PIK3CB: variants seen among roughly 807,000 people sequenced by gnomAD.
PIK3CB encodes phosphatidylinositol-4,5-bisphosphate 3-kinase catalytic subunit beta.
In PIK3CB, 39 loss-of-function variants were observed where a neutral mutation model predicts 136.8. The observed-to-expected ratio is 0.29, with a 90% CI of 0.22 to 0.37. The LOEUF is 0.37. PIK3CB is among the 10% of genes least tolerant of loss of function. The pLI is 1.00. For missense variants in PIK3CB, 868 were observed against 1,275.4 expected (o/e 0.68, Z 4.87); for synonymous variants, 428 against 436.6 (o/e 0.98, Z 0.25).
chr3:138,783,984 C>G (rs1320300404), intron 2 of PIK3CB, among the ~76,000 whole-genome samples: 1 of 152,028 alleles, frequency 6.6e-6, no homozygotes, highest in South Asian at 2.1e-4. Context: ...AAATTAAAAC[C>G]ACACTGAGAT....
Position 138,815,139 on chromosome 3 carries a change from CAAAAA to C in PIK3CB, c.-121-18577_-121-18573del, listed in dbSNP as rs71637082. Among the ~76,000 whole-genome samples the C allele has an allele frequency of 1.4e-3, 54 of 38,134 alleles. 1 individual carries two copies. Among genetic ancestry groups the C allele is most frequent in the African/African-American group, 6.7e-3 (53 of 7,926 alleles). 25.0% of individuals were successfully genotyped at this position (38,134 alleles called of 152,430 possible). On this transcript the variant is annotated intron_variant, in intron 1 of 23. Transcript: ENST00000674063. ...TGGGCAACAGAGCGAGACTCCGTCT[CAAAAA>C]AAAAAAAAAAAAAAAAAAATATATA...
chr3:138,764,093 A>G (rs2045697930), intron 2 of PIK3CB, among the ~76,000 whole-genome samples: 1 of 150,506 alleles, frequency 6.6e-6, no homozygotes, highest in African/African-American at 2.5e-5. Context: ...CCTGGGCGAC[A>G]GGGCAAGACT....
rs543983772 is a variant in PIK3CB at position 138,716,633 on chromosome 3, C to T, written c.1051-1914G>A. Among the ~76,000 whole-genome samples, 33 of 152,194 alleles carry T rather than the reference C, an allele frequency of 2.2e-4. 1 individual carries two copies. The highest frequency in any genetic ancestry group is 3.9e-4 in the East Asian group (2 of 5,178). ...AAGCACAGCCAGGTGCAGTGTCTCA[C>T]GCCTGTAATCCCAGCATTTTGGGAG... On this transcript the variant is annotated intron_variant, in intron 8 of 23. Transcript: ENST00000674063.
At chr3:138,715,892 C>T (rs1373950120) in intron 8 of PIK3CB, among the ~76,000 whole-genome samples, 1 of 151,504 alleles carries the variant, frequency 6.6e-6, no homozygotes, top group Non-Finnish European at 1.5e-5. Context: ...TATCTAATTC[C>T]AGCTAAATGA....
chr3:138,669,377 C>T (rs1265507532), intron 19 of PIK3CB, among the ~76,000 whole-genome samples: 1 of 128,386 alleles, frequency 7.8e-6, no homozygotes, highest in African/African-American at 3.1e-5. Flanking sequence ...TACTGCACTC[C>T]AGCTGGGGTG....
chr3:138,655,981 T>A (rs1359796852), intron 23 of PIK3CB, among the ~76,000 whole-genome samples, 161 bp downstream of exon 23: 3 of 152,104 alleles, frequency 2.0e-5, no homozygotes, highest in Admixed American at 6.5e-5. Flanking sequence ...TCTACAAAAT[T>A]CCTCCTTTAT....
In PIK3CB at chr3:138,684,605, C is replaced by T. The variant is rs537143001; in HGVS notation, c.2315+20G>A. 26 of 1,565,720 alleles carry T rather than the reference C, an allele frequency of 1.7e-5. No individual in the cohort carries two copies. Among genetic ancestry groups the T allele is most frequent in the East Asian group, 9.2e-5 (4 of 43,406 alleles). On this transcript the variant is annotated intron_variant, in intron 17 of 23. Coordinates refer to ENST00000674063, the MANE Select transcript of PIK3CB (RefSeq NM_006219.3). ...CTTGCTATTCATAGGAGATTCACTG[C>T]GCAAAGCACAGTCACTTACTAGAGT...
intron 1 of PIK3CB, among the ~76,000 whole-genome samples, chr3:138,815,430 G>GAA (rs35766049): frequency 3.2e-4 from 37 of 116,294 alleles, no homozygotes; most frequent in South Asian, 8.1e-4. Flanking sequence ...TGTTACAAAA[G>GAA]AAAAAAAAAA....
chr3:138,744,468 C>A (rs1022357704), intron 4 of PIK3CB, among the ~76,000 whole-genome samples: 4 of 136,950 alleles, frequency 2.9e-5, no homozygotes, highest in Non-Finnish European at 4.6e-5. Flanking sequence ...CATCTTCACA[C>A]TGAGTAGGCT....
intron 9 of PIK3CB, among the ~76,000 whole-genome samples, chr3:138,713,486 A>G (rs1412599387): frequency 6.6e-6 from 1 of 152,056 alleles, no homozygotes; most frequent in African/African-American, 2.4e-5. Flanking sequence ...CCTGGCCAAC[A>G]TGGTGAAATC....
chr3:138,792,330 T>C (rs1222186504), intron 2 of PIK3CB, among the ~76,000 whole-genome samples: 1 of 144,056 alleles, frequency 6.9e-6, no homozygotes, highest in Non-Finnish European at 1.5e-5. Context: ...GGCATTTACA[T>C]TGTATTAGGT....
rs2108391945 is a variant in PIK3CB at position 138,657,782 on chromosome 3, G to A, written c.2850C>T (p.Gly950=). The change falls in exon 22 of 24, where the codon GGC becomes GGT. Residue 950 remains glycine, a synonymous_variant. Coordinates refer to ENST00000674063, the MANE Select transcript of PIK3CB (RefSeq NM_006219.3). ...TAAAAGGCACTCGCTCCCTTTTAAT[G>A]CCAAACTTAGATTTGAAATTTCCAA... ...HILGNFKSKF[G]IKRERVPFIL... is the part of the protein sequence containing the mutation. 1.2e-6 allele frequency: 2 copies of A among 1,612,260 alleles called. No individual in the cohort carries two copies. Among genetic ancestry groups the A allele is most frequent in the South Asian group, 2.2e-5 (2 of 90,784 alleles).
At chr3:138,788,956 C>G (rs1477404869) in intron 2 of PIK3CB, among the ~76,000 whole-genome samples, 2 of 97,984 alleles carry the variant, frequency 2.0e-5, no homozygotes, top group Admixed American at 1.4e-4. Context: ...AAGAGAGAGA[C>G]TTCGTCTCAA....
At chr3:138,754,843 A>ATAC (rs1285769513) in intron 4 of PIK3CB, among the ~76,000 whole-genome samples, 1 of 152,186 alleles carries the variant, frequency 6.6e-6, no homozygotes, top group African/African-American at 2.4e-5. Context: ...CCCAATCTAG[A>ATAC]TACATAAATC....
intron 19 of PIK3CB, 54 bp from the exon 20 acceptor site, chr3:138,665,257 A>C (rs1028102793): frequency 1.4e-5 from 18 of 1,308,028 alleles, no homozygotes; most frequent in Non-Finnish European, 1.8e-5. Context: ...TGAAACATTA[A>C]TTTGGTAAGA....
intron 20 of PIK3CB, 56 bp from the exon 21 acceptor site, chr3:138,664,085 A>C: frequency 6.3e-7 from 1 of 1,587,928 alleles, no homozygotes; most frequent in Non-Finnish European, 8.6e-7. Flanking sequence ...AAGCGTGTAG[A>C]GTGAGACCCA....
chr3:138,755,725 T>G (rs2045554562), intron 4 of PIK3CB, 29 bp downstream of exon 4: 1 of 1,074,660 alleles, frequency 9.3e-7, no homozygotes, highest in Admixed American at 1.9e-5. Flanking sequence ...TATTAAGAAT[T>G]TGTACTTTTT....
intron 22 of PIK3CB, among the ~76,000 whole-genome samples, chr3:138,657,067 G>A (rs935665422): frequency 5.9e-5 from 9 of 152,026 alleles, no homozygotes; most frequent in Admixed American, 1.3e-4. Context: ...GCGCCAGGCT[G>A]AGGACCATCC....
intron 5 of PIK3CB, among the ~76,000 whole-genome samples, chr3:138,742,029 T>C (rs2108668876): frequency 6.6e-6 from 1 of 152,256 alleles, no homozygotes; most frequent in Non-Finnish European, 1.5e-5. Context: ...AGTCACAGAA[T>C]GCAAATTTAA....
Sources: gnomAD v4.1 joint callset for allele counts (sites outside exome capture counted in the v4.1 genomes callset) on GRCh38, gnomAD v4.1.1 for gene constraint, MANE v1.5 for transcripts, NCBI Gene and HGNC (gene_info 2026-07-23, HGNC 2026-07-21) for gene names.